Variants in ZNF721 observed in about 807,000 individuals in gnomAD.
ZNF721 encodes zinc finger protein 721.
Under a neutral mutation model 2.4 loss-of-function variants are expected in ZNF721, and 2 were observed. The observed-to-expected ratio is 0.82, with a 90% CI of 0.34 to 2.58. ZNF721 has a LOEUF of 2.58. Among genes scored for constraint, ZNF721 ranks in the 30% most tolerant of loss-of-function variants. ZNF721 has a pLI of 0.11. For synonymous variants in ZNF721, 398 were observed against 381.8 expected (o/e 1.04, Z -0.50); for missense variants, 1,187 against 1,085.5 (o/e 1.09, Z -1.31).
rs368829120 is a variant in ZNF721, at chr4:441,869, T to C, written c.2598A>G (p.Thr866=). 5 of 1,613,576 alleles carry C rather than the reference T, an allele frequency of 3.1e-6. No individual in the cohort carries two copies. The highest frequency in any genetic ancestry group is 1.7e-4 in the Middle Eastern group (1 of 6,060). The change falls in exon 3 of 3, where the codon ACA becomes ACG. Residue 866 remains threonine (T), a synonymous_variant. Coordinates refer to ENST00000511833, the MANE Select transcript of ZNF721 (RefSeq NM_133474.4). ...RRIHTGEKPY[T]CGECGKTFRQ... is the part of the protein sequence containing the mutation. ...TAAAGGTTTTGCCACATTCTCCACA[T>C]GTGTAGGGTTTCTCTCCAGTATGAA...
intron 1 of ZNF721, among the ~76,000 whole-genome samples, chr4:474,460 T>A (rs188907845): frequency 3.5e-4 from 54 of 152,282 alleles, no homozygotes; most frequent in Admixed American, 1.2e-3. Context: ...ACAGACACAC[T>A]TGTTCACAAA....
In ZNF721 at chr4:443,184, A is replaced by C. The variant is rs782118260; in HGVS notation, c.1283T>G (p.Leu428Trp). ...CTTATATTCATTCAGGTTTGTGGAC[A>C]ATCCAAAGGCTCTGCCACGATCTTC... ...TCEDRGRAFG[L>W]STNLNEYKKI... is the part of the protein sequence containing the mutation. The change falls in exon 3 of 3, where the codon TTG (leucine) becomes TGG (tryptophan). Residue 428 changes from leucine to tryptophan, a missense_variant. By Grantham distance (61) the Leu-to-Trp change is moderately conservative. Coordinates refer to ENST00000511833, the MANE Select transcript of ZNF721 (RefSeq NM_133474.4). 10 of 1,608,082 alleles carry C rather than the reference A, an allele frequency of 6.2e-6. No individual in the cohort carries two copies. The highest frequency in any genetic ancestry group is 4.5e-5 in the East Asian group (2 of 44,416).
At chr4:479,975 T>C (rs1715732281) in intron 1 of ZNF721, among the ~76,000 whole-genome samples, 1 of 151,982 alleles carries the variant, frequency 6.6e-6, no homozygotes, top group African/African-American at 2.4e-5. Context: ...TAATTTCGTA[T>C]TTTTTTTATG....
At position 443,512 on chromosome 4, in the gene ZNF721, T is replaced by C. The variant is rs202034537; in HGVS notation, c.955A>G (p.Asn319Asp). 154 of 1,613,814 alleles carry C rather than the reference T, an allele frequency of 9.5e-5. No individual in the cohort carries two copies. The highest frequency in any genetic ancestry group is 1.2e-4 in the Non-Finnish European group (142 of 1,179,966). Residue 319 changes from asparagine to aspartate, a missense_variant, in exon 3 of 3, where the codon AAC (asparagine) becomes GAC (aspartate). Coordinates refer to ENST00000511833, the MANE Select transcript of ZNF721 (RefSeq NM_133474.4). ...TGAATTCTCCTATGTACATAAAGGT[T>C]TGCGGACTGTCTAAAGGCTTTGCCA... Reference protein sequence around the residue: ...VCGKAFRQSANLYVHRRIHTG... With the variant: ...VCGKAFRQSADLYVHRRIHTG...
intron 2 of ZNF721, among the ~76,000 whole-genome samples, chr4:451,842 T>A (rs144056546): frequency 2.6e-5 from 4 of 152,172 alleles, no homozygotes; most frequent in Admixed American, 6.5e-5. Flanking sequence ...TATCCTGGGA[T>A]GGGAACTCCC....
chr4:474,113 A>G (rs1403505466), intron 1 of ZNF721: 1 of 1,181,208 alleles, frequency 8.5e-7, no homozygotes, highest in Non-Finnish European at 1.2e-6. Context: ...CAGGGAAGTG[A>G]GGCCCTAACC....
Position 442,922 on chromosome 4 carries a change from G to A in ZNF721, c.1545C>T (p.Thr515=). Residue 515 remains threonine (T), a synonymous_variant, in exon 3 of 3, where the codon ACC becomes ACT. Coordinates refer to ENST00000511833, the MANE Select transcript of ZNF721 (RefSeq NM_133474.4). ...TATGAATTCTCCTATGTTTAGTAAG[G>A]GTTGTGGAACTAGTAAACGCTTTAC... ...ECGKAFTSST[T]LTKHRRIHTG... 1 of 1,613,926 alleles carries A rather than the reference G, an allele frequency of 6.2e-7. No individual in the cohort carries two copies. The highest frequency in any genetic ancestry group is 1.7e-5 in the Admixed American group (1 of 60,012).
chr4:490,909 G>A (rs904256876), intron 1 of ZNF721, among the ~76,000 whole-genome samples: 8 of 151,080 alleles, frequency 5.3e-5, no homozygotes, highest in Admixed American at 5.3e-4. Context: ...AGCCAAGATG[G>A]CGCCACTGCA....
intron 2 of ZNF721, among the ~76,000 whole-genome samples, chr4:454,495 T>C (rs2108697360): frequency 6.6e-6 from 1 of 152,318 alleles, no homozygotes; most frequent in Middle Eastern, 3.4e-3. Context: ...GGTTTGAGCC[T>C]TACTGCATAC....
At chr4:492,925 T>A (rs1436998585) in intron 1 of ZNF721, among the ~76,000 whole-genome samples, 2 of 151,954 alleles carry the variant, frequency 1.3e-5, no homozygotes, top group Non-Finnish European at 2.9e-5. Context: ...ATTCACCTTT[T>A]TAAAAAGGTT....
At chr4:458,848 G>GA (rs57797921) in intron 2 of ZNF721, among the ~76,000 whole-genome samples, 21,927 of 146,106 alleles carry the variant, frequency 0.15, 2,160 homozygotes, top group African/African-American at 0.29. Context: ...TCCGTCTAAA[G>GA]AAAAAAAAAA....
chr4:482,897 C>A (rs536369061), intron 1 of ZNF721, among the ~76,000 whole-genome samples: 3 of 152,228 alleles, frequency 2.0e-5, no homozygotes, highest in African/African-American at 7.2e-5. Flanking sequence ...AGGCAAAAAC[C>A]CAGATATATT....
intron 2 of ZNF721, among the ~76,000 whole-genome samples, chr4:447,904 CA>C: frequency 6.6e-6 from 1 of 151,966 alleles, no homozygotes; most frequent in Non-Finnish European, 1.5e-5. Flanking sequence ...CATTGAGTTC[CA>C]AACATACAAA....
At chr4:470,753 C>G (rs1715406290) in intron 2 of ZNF721, among the ~76,000 whole-genome samples, 1 of 152,008 alleles carries the variant, frequency 6.6e-6, no homozygotes, top group African/African-American at 2.4e-5. Flanking sequence ...CTGGGCGCAG[C>G]AGCTCACACC....
intron 2 of ZNF721, among the ~76,000 whole-genome samples, chr4:469,774 T>C (rs571882241): frequency 1.6e-4 from 25 of 152,284 alleles, no homozygotes; most frequent in African/African-American, 5.3e-4. Context: ...AATCCATGCA[T>C]ACAAGGTCAA....
intron 1 of ZNF721, among the ~76,000 whole-genome samples, chr4:486,664 T>C (rs1436654250): frequency 6.6e-6 from 1 of 152,234 alleles, no homozygotes; most frequent in African/African-American, 2.4e-5. Flanking sequence ...ACTTTGTCTA[T>C]ATTAAAAATC....
chr4:445,120 G>A (rs1714431122), intron 2 of ZNF721, among the ~76,000 whole-genome samples: 1 of 151,734 alleles, frequency 6.6e-6, no homozygotes, highest in Admixed American at 6.6e-5. Context: ...CAATAGCTGG[G>A]ACTACAGGCA....
Position 443,619 on chromosome 4 carries a change from C to T in ZNF721, c.848G>A (p.Gly283Asp). The T allele has an allele frequency of 6.2e-7, 1 of 1,613,924 alleles. No homozygotes were observed. Among genetic ancestry groups the T allele is most frequent in the African/African-American group, 1.3e-5 (1 of 74,994 alleles). ...GGTTGTGGAAATATTAAAGGCTTTA[C>T]CACATTCTAAACATTTAAAGGGTTT... ...GEKPFKCLECGKAFNISTTLT... is the reference protein window; with the variant it reads ...GEKPFKCLECDKAFNISTTLT... The change falls in exon 3 of 3, where the codon GGT becomes GAT. Residue 283 changes from glycine to aspartate, a missense_variant. Physicochemically the swap from Gly to Asp is moderately conservative, Grantham distance 94. Coordinates refer to ENST00000511833, the MANE Select transcript of ZNF721 (RefSeq NM_133474.4).
chr4:460,013 C>T (rs868949528), intron 2 of ZNF721, among the ~76,000 whole-genome samples: 2 of 151,974 alleles, frequency 1.3e-5, no homozygotes, highest in South Asian at 4.1e-4. Context: ...ACTTTAACAC[C>T]CCACTGTCAA....
Sources: allele counts gnomAD v4.1 joint callset (sites outside exome capture counted in the v4.1 genomes callset), GRCh38; gene constraint gnomAD v4.1.1; transcripts MANE v1.5; gene names NCBI Gene and HGNC (gene_info 2026-07-23, HGNC 2026-07-21).